The following DENND1C variants were observed in gnomAD, a reference collection of about 807,000 sequenced individuals.
The protein encoded by DENND1C is DENN domain containing 1C, also known as DENN domain-containing protein 1C.
DENND1C carries 64 observed loss-of-function variants against 87.9 expected under a neutral mutation model. The ratio of observed to expected loss-of-function variants is 0.73; its 90% CI spans 0.60 to 0.90. The LOEUF is 0.90. Among genes scored for constraint, DENND1C ranks in the 40% least tolerant of loss-of-function variants. The pLI is 0.00. For missense variants in DENND1C, 980 were observed against 1,037.0 expected, an observed-to-expected ratio of 0.95 and a Z score of 0.76; for synonymous variants, 384 against 424.4, an observed-to-expected ratio of 0.90 and a Z score of 1.17.
intron 17 of DENND1C, 82 bp downstream of exon 17, chr19:6,471,183 A>C: frequency 6.5e-7 from 1 of 1,534,262 alleles, no homozygotes. Flanking sequence ...TGGTCGCAGC[A>C]ATCCTTCTAT....
chr19:6,478,409 A>ATTTTTT (rs36008668), intron 6 of DENND1C, among the ~76,000 whole-genome samples: 5 of 136,134 alleles, frequency 3.7e-5, no homozygotes, highest in Non-Finnish European at 3.1e-5. Context: ...CGGCCGGCTA[A>ATTTTTT]TTTTTTTTTT....
chr19:6,468,188 A>G (rs1435188045), intron 22 of DENND1C, 46 bp downstream of exon 22: 1 of 1,612,048 alleles, frequency 6.2e-7, no homozygotes. Context: ...ATGGACCATT[A>G]GGGGAAGACT....
Position 6,479,036 on chromosome 19 carries a change from A to ACGG in DENND1C, c.194_196dup (p.Ala65dup). 2 of 1,613,786 alleles carry ACGG rather than the reference A, an allele frequency of 1.2e-6. No individual in the cohort carries two copies. The highest frequency in any genetic ancestry group is 2.2e-5 in the South Asian group (2 of 91,072). ...TGTGAGGGCGAAGGTGAAATGCTGC[A>ACGG]CGGCGGGGCTGGGGGGCTCCCTGGA... is the stretch of plus-strand genomic sequence containing the variant. On this transcript the variant is annotated inframe_insertion, in exon 5 of 23. Transcript: ENST00000381480.
chr19:6,474,933 G>T (rs1431982650), intron 14 of DENND1C, among the ~76,000 whole-genome samples: 1 of 152,026 alleles, frequency 6.6e-6, no homozygotes, highest in African/African-American at 2.4e-5. Flanking sequence ...GCTGGGCATG[G>T]TGGTGCGCAC....
chr19:6,468,616 G>T lies in DENND1C; in HGVS notation c.1545C>A (p.Arg515=). The T allele has an allele frequency of 6.6e-7, 1 of 1,506,036 alleles. No homozygotes were observed. Among genetic ancestry groups the T allele is most frequent in the Non-Finnish European group, 8.8e-7 (1 of 1,131,218 alleles). The allele number at this position is 1,506,036 out of a possible 1,614,324, so 93.3% of individuals were successfully genotyped here. ...GCTCGGAAGTTCCCTCTTCCAGCTG[G>T]CGTCTCCTGCTGGGGCGAAGGGGCC... ...KNRPLRPSRR[R]QLEEGTSEPP... Residue 515 remains arginine, a synonymous_variant, in exon 21 of 23, where the codon CGC becomes CGA. Transcript: ENST00000381480.
intron 1 of DENND1C, among the ~76,000 whole-genome samples, chr19:6,480,698 C>CA (rs1913517550): frequency 6.6e-6 from 1 of 151,932 alleles, no homozygotes; most frequent in Admixed American, 6.6e-5. Flanking sequence ...CTCCACCCCA[C>CA]AGGTTCAAGC....
intron 7 of DENND1C, 21 bp from the exon 8 acceptor site, chr19:6,477,304 T>C (rs369275789): frequency 6.2e-7 from 1 of 1,603,008 alleles, no homozygotes; most frequent in Non-Finnish European, 8.5e-7. Flanking sequence ...GGCACGACTC[T>C]GTGGTCATGA....
chr19:6,473,836 C>T (rs1250327403), intron 14 of DENND1C, among the ~76,000 whole-genome samples: 1 of 151,638 alleles, frequency 6.6e-6, no homozygotes, highest in Non-Finnish European at 1.5e-5. Flanking sequence ...TGATCTGACT[C>T]GGGTGTTCAC....
intron 10 of DENND1C, chr19:6,476,224 G>A: frequency 2.4e-6 from 1 of 424,286 alleles, no homozygotes; most frequent in Admixed American, 4.3e-5. Flanking sequence ...GTAGAGCAAG[G>A]ACTGAGCCTC....
At position 6,479,423 on chromosome 19, in the gene DENND1C, A is replaced by AGTCCCTGG. The variant is rs796285392; in HGVS notation, c.176+238_176+245dup. On this transcript the variant is annotated intron_variant, in intron 4 of 22. Coordinates refer to ENST00000381480, the MANE Select transcript of DENND1C (RefSeq NM_024898.4). ...GTGTCCCTGAGTCCTTGAGTCTCTG[A>AGTCCCTGG]GTCCCTGGGTCCCTGGGTCCCTGGG... 7.8e-5 allele frequency among the ~76,000 whole-genome samples: 11 copies of AGTCCCTGG among 140,314 alleles called. No individual in the cohort carries two copies. In the East Asian group the frequency reaches 1.0e-3, roughly 13 times the overall value. 92.1% of individuals were successfully genotyped at this position (140,314 alleles called of 152,430 possible). A position where few individuals can be genotyped will look rare whatever the true frequency, so the allele number is the denominator to read the frequency against.
Position 6,479,063 on chromosome 19 carries a change from T to C in DENND1C, c.177-7A>G, listed in dbSNP as rs1015925921. 1 of 1,613,128 alleles carries C rather than the reference T, an allele frequency of 6.2e-7. No homozygotes were observed. Among genetic ancestry groups the C allele is most frequent in the South Asian group, 1.1e-5 (1 of 91,026 alleles). On this transcript the variant is annotated splice_region_variant and splice_polypyrimidine_tract_variant and intron_variant, in intron 4 of 22. Transcript: ENST00000381480. ...GGCGGGGCTGGGGGGCTCCCTGGAG[T>C]GGGAAGGGCTGTTAGAGAGACCTGG... is the stretch of plus-strand genomic sequence containing the variant.
intron 18 of DENND1C, chr19:6,469,996 T>C (rs2092818519): frequency 4.2e-6 from 2 of 471,284 alleles, no homozygotes; most frequent in Admixed American, 7.1e-5. Flanking sequence ...GAACCTGGAA[T>C]TGTAGCATCC....
At chr19:6,475,626 C>A (rs764787669) in intron 12 of DENND1C, 41 bp from the exon 13 acceptor site, 1 of 1,613,698 alleles carries the variant, frequency 6.2e-7, no homozygotes, top group Non-Finnish European at 8.5e-7. Context: ...CCCGGGAGTC[C>A]TTGGCAGAGG....
At position 6,477,267 on chromosome 19, in the gene DENND1C, ACCGTCACT is replaced by A; in HGVS notation, c.456_463del (p.Val153LeufsTer14). ...GGGGGGGATACCCTGCCCGCTGGAG[ACCGTCACT>A]CCGCTGCCCTGGGGAAGAGGCACGA... On this transcript the variant is annotated frameshift_variant, in exon 8 of 23. Transcript: ENST00000381480. LOFTEE classifies it high-confidence loss of function. The A allele has an allele frequency of 6.3e-7, 1 of 1,585,582 alleles. No individual in the cohort carries two copies.
chr19:6,477,005 C>T, intron 9 of DENND1C, 38 bp from the exon 10 acceptor site: 1 of 1,613,496 alleles, frequency 6.2e-7, no homozygotes, highest in Non-Finnish European at 8.5e-7. Flanking sequence ...TGGACGGGCC[C>T]CTGGATCTTG....
At chr19:6,476,428 T>A (rs2092860930) in intron 10 of DENND1C, 1 of 177,808 alleles carries the variant, frequency 5.6e-6, no homozygotes, top group Admixed American at 5.9e-5. Context: ...GGAGTATGGG[T>A]CTCTAGTTTT....
chr19:6,470,444 C>G (rs2092821325), intron 17 of DENND1C, 78 bp from the exon 18 acceptor site: 2 of 1,422,406 alleles, frequency 1.4e-6, no homozygotes, highest in Admixed American at 3.9e-5. Flanking sequence ...TGATGCCAAT[C>G]AAGCCCCTTT....
intron 14 of DENND1C, among the ~76,000 whole-genome samples, chr19:6,473,816 G>GGGGGGGGGGGGGAA (rs1231177042): frequency 4.6e-5 from 6 of 131,538 alleles, no homozygotes; most frequent in East Asian, 2.5e-4. Context: ...GGGGGGTGGG[G>GGGGGGGGGGGGGAA]GGAGGGAAAT....
At chr19:6,480,429 CA>C in intron 1 of DENND1C, 1 of 1,095,842 alleles carries the variant, frequency 9.1e-7, no homozygotes, top group Non-Finnish European at 1.1e-6. Context: ...ACAGCCCGTG[CA>C]GTCCCAAGCT....
Sources: allele counts gnomAD v4.1 joint callset (sites outside exome capture counted in the v4.1 genomes callset), GRCh38; gene constraint gnomAD v4.1.1; transcripts MANE v1.5; gene names NCBI Gene and HGNC (gene_info 2026-07-23, HGNC 2026-07-21).